The following CDKN3 variants were observed in gnomAD, a reference collection of about 807,000 sequenced individuals.
The protein encoded by CDKN3 is cyclin dependent kinase inhibitor 3.
CDKN3 carries 19 observed loss-of-function variants against 36.1 expected under a neutral mutation model. The ratio of observed to expected loss-of-function variants is 0.53; its 90% CI spans 0.37 to 0.77. CDKN3 has a LOEUF of 0.77. CDKN3 is among the 30% of genes least tolerant of loss of function. The pLI, the probability that CDKN3 is intolerant of heterozygous loss-of-function variation, is 0.00. For synonymous variants in CDKN3, 71 were observed against 85.3 expected, an observed-to-expected ratio of 0.83 and a Z score of 0.92; for missense variants, 188 against 248.6, an observed-to-expected ratio of 0.76 and a Z score of 1.64.
chr14:54,415,884 G>C lies in CDKN3; in HGVS notation c.417-15G>C, dbSNP rs753728148. 7.5e-6 allele frequency: 12 copies of C among 1,592,642 alleles called. No individual in the cohort carries two copies. Among genetic ancestry groups the C allele is most frequent in the South Asian group, 1.1e-5 (1 of 90,496 alleles). The stretch of plus-strand genomic sequence containing the variant: ...AATGAAATGTACAAACTTCAAAACT[G>C]TATTTCCCTTTCAGCTGCTATGGAG... On this transcript the variant is annotated splice_polypyrimidine_tract_variant and intron_variant, in intron 5 of 7. Coordinates refer to ENST00000335183, the MANE Select transcript of CDKN3 (RefSeq NM_005192.4).
chr14:54,400,016 A>C (rs767014043), intron 2 of CDKN3, 40 bp downstream of exon 2: 2 of 895,906 alleles, frequency 2.2e-6, no homozygotes, highest in Non-Finnish European at 3.8e-6. Context: ...CTAAAATCAC[A>C]ATCTACATCA....
chr14:54,404,498 A>G (rs999201101), intron 3 of CDKN3, among the ~76,000 whole-genome samples: 15 of 152,042 alleles, frequency 9.9e-5, no homozygotes, highest in African/African-American at 3.6e-4. Context: ...TTTCAAAAAA[A>G]CCAGCTCCTA....
At chr14:54,415,838 T>G in intron 5 of CDKN3, 61 bp from the exon 6 acceptor site, 2 of 1,223,090 alleles carry the variant, frequency 1.6e-6, no homozygotes, top group Non-Finnish European at 2.4e-6. Flanking sequence ...AGAGCAAGTC[T>G]TTAGTTGTAA....
At chr14:54,404,072 C>T (rs2030058219) in intron 3 of CDKN3, among the ~76,000 whole-genome samples, 1 of 152,124 alleles carries the variant, frequency 6.6e-6, no homozygotes, top group South Asian at 2.1e-4. Flanking sequence ...GGGAGGATTC[C>T]CTCTTTTTCT....
chr14:54,418,116 A>G (rs1834014409), intron 7 of CDKN3, 165 bp downstream of exon 7: 11 of 692,842 alleles, frequency 1.6e-5, no homozygotes, highest in South Asian at 1.6e-4. Flanking sequence ...TTTAGTTTTT[A>G]AAAATTTACA....
intron 2 of CDKN3, among the ~76,000 whole-genome samples, chr14:54,400,243 AC>A (rs1331719988): frequency 8.2e-6 from 1 of 122,570 alleles, no homozygotes; most frequent in African/African-American, 2.7e-5. Context: ...TCTTTATAAG[AC>A]CCTTTTTTTT....
chr14:54,405,332 G>C (rs889991050), intron 3 of CDKN3, among the ~76,000 whole-genome samples: 3 of 152,216 alleles, frequency 2.0e-5, no homozygotes, highest in Admixed American at 2.0e-4. Context: ...TTGGGGTGGA[G>C]AGTTCTGTAG....
At chr14:54,418,481 C>T in intron 7 of CDKN3, 1 of 550,976 alleles carries the variant, frequency 1.8e-6, no homozygotes, top group South Asian at 2.3e-5. Flanking sequence ...TCCCCTAACA[C>T]TTCAAAACAC....
chr14:54,412,973 C>T (rs2030412392), intron 5 of CDKN3: 4 of 458,882 alleles, frequency 8.7e-6, no homozygotes, highest in Non-Finnish European at 4.4e-6. Flanking sequence ...CAAGCCCAGC[C>T]AACTTCTCCT....
chr14:54,408,893 TAA>T (rs1027523743), intron 4 of CDKN3, 104 bp downstream of exon 4: 4 of 1,395,346 alleles, frequency 2.9e-6, no homozygotes, highest in Non-Finnish European at 3.8e-6. Flanking sequence ...AATATAAAAA[TAA>T]GTTTTCAATA....
At chr14:54,412,455 A>G (rs969174757) in intron 5 of CDKN3, among the ~76,000 whole-genome samples, 1 of 152,204 alleles carries the variant, frequency 6.6e-6, no homozygotes, top group Non-Finnish European at 1.5e-5. Flanking sequence ...GCAATAAGCA[A>G]TCCTAAAAAT....
At chr14:54,412,800 T>C in intron 5 of CDKN3, 1 of 477,582 alleles carries the variant, frequency 2.1e-6, no homozygotes, top group Admixed American at 2.2e-5. Flanking sequence ...ATAATGTATA[T>C]TTCATATTCT....
intron 4 of CDKN3, among the ~76,000 whole-genome samples, chr14:54,410,414 A>G (rs771093367): frequency 1.3e-5 from 2 of 152,188 alleles, no homozygotes; most frequent in Non-Finnish European, 2.9e-5. Flanking sequence ...GATTTAAGGG[A>G]CAGGGAGAGG....
chr14:54,415,739 T>A (rs945754866), intron 5 of CDKN3, among the ~76,000 whole-genome samples, 160 bp from the exon 6 acceptor site: 3 of 152,196 alleles, frequency 2.0e-5, no homozygotes, highest in Non-Finnish European at 2.9e-5. Context: ...AAGCACACCT[T>A]GCTCTCAGTT....
chr14:54,413,741 G>A lies in CDKN3; in HGVS notation c.416+2035G>A, dbSNP rs1350626060. 17 of 1,519,764 alleles carry A rather than the reference G, an allele frequency of 1.1e-5. No homozygotes were observed. The South Asian group carries it at 1.7e-4, about 15-fold the overall frequency. 94.1% of individuals were successfully genotyped at this position (1,519,764 alleles called of 1,614,324 possible). A position where few individuals can be genotyped will look rare whatever the true frequency, so the allele number is the denominator to read the frequency against. ...GGTAAACCTTTTTCACTGACCTGTT[G>A]TCTACCAGTGCTGTCTCACTGGTTC... On this transcript the variant is annotated intron_variant, in intron 5 of 7. Coordinates refer to ENST00000335183, the MANE Select transcript of CDKN3 (RefSeq NM_005192.4).
rs532207482 is a variant in CDKN3, at chr14:54,402,911, A to C, written c.148+1332A>C. 1.4e-4 allele frequency among the ~76,000 whole-genome samples: 22 copies of C among 152,236 alleles called. No individual in the cohort carries two copies. In the South Asian group the frequency reaches 4.6e-3, roughly 32 times the overall value. ...TCTGTTCTGTTCCATTGGTCTATAT[A>C]TCTGTTTTGGCATGTGTACCATGCT... is the stretch of plus-strand genomic sequence containing the variant. On this transcript the variant is annotated intron_variant, in intron 3 of 7. Coordinates refer to ENST00000335183, the MANE Select transcript of CDKN3 (RefSeq NM_005192.4).
Position 54,415,882 on chromosome 14 carries a change from C to T in CDKN3, c.417-17C>T, listed in dbSNP as rs369375503. 7 of 1,589,352 alleles carry T rather than the reference C, an allele frequency of 4.4e-6. No individual in the cohort carries two copies. Among genetic ancestry groups the T allele is most frequent in the Non-Finnish European group, 6.0e-6 (7 of 1,157,764 alleles). On this transcript the variant is annotated splice_polypyrimidine_tract_variant and intron_variant, in intron 5 of 7. Coordinates refer to ENST00000335183, the MANE Select transcript of CDKN3 (RefSeq NM_005192.4). ...GGAATGAAATGTACAAACTTCAAAA[C>T]TGTATTTCCCTTTCAGCTGCTATGG...
At chr14:54,414,709 C>CTTTT (rs35670197) in intron 5 of CDKN3, among the ~76,000 whole-genome samples, 45 of 102,138 alleles carry the variant, frequency 4.4e-4, no homozygotes, top group African/African-American at 1.1e-3. Flanking sequence ...CCGTGCCAGG[C>CTTTT]TTTTTTTTTT....
chr14:54,407,482 A>G (rs1258871840), intron 3 of CDKN3, among the ~76,000 whole-genome samples: 2 of 152,210 alleles, frequency 1.3e-5, no homozygotes, highest in East Asian at 3.9e-4. Context: ...CCTAGGGAGA[A>G]GGGAGTTTAT....
Sources: allele counts gnomAD v4.1 joint callset (sites outside exome capture counted in the v4.1 genomes callset), GRCh38; gene constraint gnomAD v4.1.1; transcripts MANE v1.5; gene names NCBI Gene and HGNC (gene_info 2026-07-23, HGNC 2026-07-21).